Variants in DOCK4 observed in about 807,000 individuals in gnomAD.
DOCK4 encodes the protein dedicator of cytokinesis 4.
In DOCK4, 97 loss-of-function variants were observed where a neutral mutation model predicts 268.1. The ratio of observed to expected loss-of-function variants is 0.36; its 90% CI spans 0.31 to 0.43. The LOEUF is 0.43. DOCK4 is among the 20% of genes least tolerant of loss of function. DOCK4 has a pLI of 1.00. For synonymous variants in DOCK4, 954 were observed against 887.2 expected (o/e 1.08, Z -1.34); for missense variants, 2,145 against 2,455.7 (o/e 0.87, Z 2.67).
At chr7:111,898,115 C>T (rs1028840402) in intron 15 of DOCK4, among the ~76,000 whole-genome samples, 3 of 152,176 alleles carry the variant, frequency 2.0e-5, no homozygotes, top group African/African-American at 7.2e-5. Flanking sequence ...CACTCCAAAT[C>T]CTCTCGTGGT....
At chr7:111,912,714 C>T (rs1792217199) in intron 13 of DOCK4, among the ~76,000 whole-genome samples, 1 of 152,044 alleles carries the variant, frequency 6.6e-6, no homozygotes, top group Non-Finnish European at 1.5e-5. Flanking sequence ...GAGGTCCAGA[C>T]ACACACAAAG....
At position 111,782,903 on chromosome 7, in the gene DOCK4, C is replaced by T; in HGVS notation, c.3546G>A (p.Glu1182=). The T allele has an allele frequency of 6.2e-7, 1 of 1,613,252 alleles. No individual in the cohort carries two copies. Among genetic ancestry groups the T allele is most frequent in the East Asian group, 2.2e-5 (1 of 44,858 alleles). ...LDYRDCMKMG[E]VDGKKIGCTV... ...TGCAGCCAATCTTTTTGCCATCTAC[C>T]TCTCCCATTTTCATGCAGTCCCTAA... The change falls in exon 35 of 53, where the codon GAG becomes GAA. Residue 1182 remains glutamate, a synonymous_variant. Coordinates refer to ENST00000428084, the MANE Select transcript of DOCK4 (RefSeq NM_001363540.2).
intron 1 of DOCK4, among the ~76,000 whole-genome samples, chr7:112,112,939 G>T (rs1811798309): frequency 6.6e-6 from 1 of 152,170 alleles, no homozygotes; most frequent in South Asian, 2.1e-4. Flanking sequence ...TCAAGGACGT[G>T]ACAGGCTGTT....
chr7:112,132,992 C>T (rs138599831), intron 1 of DOCK4, among the ~76,000 whole-genome samples: 2 of 152,164 alleles, frequency 1.3e-5, no homozygotes, highest in East Asian at 3.8e-4. Flanking sequence ...GTATTCAGGG[C>T]TCTTAAAATT....
At chr7:111,879,984 G>A (rs1479997148) in intron 16 of DOCK4, among the ~76,000 whole-genome samples, 1 of 152,158 alleles carries the variant, frequency 6.6e-6, no homozygotes, top group African/African-American at 2.4e-5. Flanking sequence ...TAAAGAGGAG[G>A]TAGAGAAAGA....
At chr7:112,022,782 T>C (rs1486867201) in intron 1 of DOCK4, among the ~76,000 whole-genome samples, 1 of 152,190 alleles carries the variant, frequency 6.6e-6, no homozygotes, top group Admixed American at 6.5e-5. Context: ...CATCAGTAAA[T>C]GTTTCCCTGA....
intron 1 of DOCK4, among the ~76,000 whole-genome samples, chr7:112,016,429 A>C (rs1801812128): frequency 6.6e-6 from 1 of 152,230 alleles, no homozygotes; most frequent in Non-Finnish European, 1.5e-5. Context: ...AACTTTGATC[A>C]CTTGGTTAAG....
intron 1 of DOCK4, among the ~76,000 whole-genome samples, chr7:112,021,605 C>T (rs1013821422): frequency 1.3e-5 from 2 of 152,208 alleles, no homozygotes; most frequent in Non-Finnish European, 2.9e-5. Flanking sequence ...GTATTTCATC[C>T]AAAAAGGATC....
At chr7:112,196,992 C>T (rs1188893679) in intron 1 of DOCK4, among the ~76,000 whole-genome samples, 1 of 152,024 alleles carries the variant, frequency 6.6e-6, no homozygotes, top group Non-Finnish European at 1.5e-5. Context: ...ATCACCACGC[C>T]GTACCACTGA....
At chr7:111,729,360 C>T (rs1342799303) in intron 52 of DOCK4, among the ~76,000 whole-genome samples, 2 of 151,996 alleles carry the variant, frequency 1.3e-5, no homozygotes, top group Non-Finnish European at 2.9e-5. Flanking sequence ...GAGCTTGAGA[C>T]CAGCCTGGGC....
chr7:111,747,448 G>A lies in DOCK4; in HGVS notation c.4417-5C>T, dbSNP rs1264109403. On this transcript the variant is annotated splice_polypyrimidine_tract_variant and splice_region_variant and intron_variant, in intron 42 of 52. Transcript: ENST00000428084. ...TTCCAGAGGACTCATTTCTACCTGA[G>A]AAGCAAATGAACATAAATATATATT... 17 of 1,580,584 alleles carry A rather than the reference G, an allele frequency of 1.1e-5. No homozygotes were observed. Among genetic ancestry groups the A allele is most frequent in the Non-Finnish European group, 1.5e-5 (17 of 1,163,642 alleles).
chr7:112,180,918 T>C (rs1414542287), intron 1 of DOCK4, among the ~76,000 whole-genome samples: 1 of 152,210 alleles, frequency 6.6e-6, no homozygotes, highest in Non-Finnish European at 1.5e-5. Flanking sequence ...CTCATGATAG[T>C]TGCATTTTTA....
intron 15 of DOCK4, among the ~76,000 whole-genome samples, chr7:111,897,049 T>C (rs1212642729): frequency 6.6e-6 from 1 of 152,134 alleles, no homozygotes; most frequent in African/African-American, 2.4e-5. Context: ...CTTGACGACA[T>C]TGAGTCTTCC....
intron 1 of DOCK4, among the ~76,000 whole-genome samples, chr7:112,090,562 T>C (rs1809530955): frequency 1.3e-5 from 2 of 152,242 alleles, no homozygotes; most frequent in African/African-American, 4.8e-5. Flanking sequence ...CTCTATGATC[T>C]TTTTAAAGTT....
intron 16 of DOCK4, among the ~76,000 whole-genome samples, chr7:111,880,844 G>A (rs915481527): frequency 1.3e-5 from 2 of 151,614 alleles, no homozygotes; most frequent in South Asian, 2.1e-4. Flanking sequence ...TTCAATAAAC[G>A]GTGCTGGGAA....
At chr7:112,032,881 T>C (rs1209453236) in intron 1 of DOCK4, among the ~76,000 whole-genome samples, 1 of 152,050 alleles carries the variant, frequency 6.6e-6, no homozygotes, top group Non-Finnish European at 1.5e-5. Context: ...AAAAAAGACA[T>C]CCTAATCTCT....
intron 32 of DOCK4, among the ~76,000 whole-genome samples, chr7:111,785,300 T>C (rs982928463): frequency 6.6e-6 from 1 of 152,208 alleles, no homozygotes; most frequent in Non-Finnish European, 1.5e-5. Context: ...CAGGCTTAAA[T>C]TGCAAATTGT....
intron 12 of DOCK4, among the ~76,000 whole-genome samples, chr7:111,926,100 G>GAC (rs376652159): frequency 0.066 from 8,855 of 134,414 alleles, 322 homozygotes; most frequent in South Asian, 0.088. Context: ...AAAAAAGAAA[G>GAC]AGAGAGAGAG....
At chr7:112,084,911 G>T (rs1808927810) in intron 1 of DOCK4, among the ~76,000 whole-genome samples, 2 of 152,010 alleles carry the variant, frequency 1.3e-5, no homozygotes, top group Admixed American at 1.3e-4. Flanking sequence ...TACCATGTAT[G>T]TGTACTTTAG....
Sources: allele counts gnomAD v4.1 joint callset (sites outside exome capture counted in the v4.1 genomes callset), GRCh38; gene constraint gnomAD v4.1.1; transcripts MANE v1.5; gene names NCBI Gene and HGNC (gene_info 2026-07-23, HGNC 2026-07-21).